The following IL1RAPL1 variants were observed in gnomAD, a reference collection of about 807,000 sequenced individuals.
IL1RAPL1 encodes the protein interleukin-1 receptor accessory protein-like 1.
IL1RAPL1 carries 3 observed loss-of-function variants against 48.4 expected under a neutral mutation model. The observed-to-expected ratio is 0.06, with a 90% CI of 0.03 to 0.16. IL1RAPL1 has a LOEUF of 0.16. IL1RAPL1 is among the 10% of genes least tolerant of loss of function. The pLI is 1.00. For missense variants in IL1RAPL1, 349 were observed against 530.6 expected (o/e 0.66, Z 3.36); for synonymous variants, 185 against 187.7 (o/e 0.99, Z 0.12).
intron 2 of IL1RAPL1, among the ~76,000 whole-genome samples, chrX:29,255,167 AATTC>A (rs1250225797): frequency 1.0e-5 from 1 of 95,629 alleles, no homozygotes; most frequent in East Asian, 3.7e-4. Context: ...GTGTGTGTGA[AATTC>A]ATTATATTTG....
chrX:29,867,136 A>G (rs1181364619), intron 6 of IL1RAPL1, among the ~76,000 whole-genome samples: 1 of 109,547 alleles, frequency 9.1e-6, no homozygotes, highest in East Asian at 2.8e-4. Flanking sequence ...AATAAAATAT[A>G]TATTGGTAAA....
At position 29,161,504 on chromosome X, in the gene IL1RAPL1, G is replaced by A. The variant is rs775501060; in HGVS notation, c.83-121434G>A. On this transcript the variant is annotated intron_variant, in intron 2 of 10. Coordinates refer to ENST00000378993, the MANE Select transcript of IL1RAPL1 (RefSeq NM_014271.4). ...AAATAACGAACCCACTTGAACTTTC[G>A]CAGACACCTCTAGGTTTACCTTTTA... 2.7e-5 allele frequency among the ~76,000 whole-genome samples: 3 copies of A among 111,729 alleles called. No homozygotes were observed. In the East Asian group the frequency reaches 8.4e-4, roughly 31 times the overall value.
At chrX:28,896,305 C>T (rs933880146) in intron 2 of IL1RAPL1, among the ~76,000 whole-genome samples, 10 of 111,377 alleles carry the variant, frequency 9.0e-5, no homozygotes, top group Non-Finnish European at 3.8e-5. Flanking sequence ...ATGTCAGGAG[C>T]GGATTGGGTA....
intron 2 of IL1RAPL1, among the ~76,000 whole-genome samples, chrX:28,898,296 T>C (rs974913834): frequency 8.9e-6 from 1 of 112,221 alleles, no homozygotes; most frequent in Non-Finnish European, 1.9e-5. Flanking sequence ...TATCTATTTT[T>C]TGTCTTTTTT....
At chrX:29,611,856 TC>T (rs1283425341) in intron 5 of IL1RAPL1, among the ~76,000 whole-genome samples, 5 of 110,653 alleles carry the variant, frequency 4.5e-5, no homozygotes, top group Admixed American at 1.9e-4. Context: ...AAGATGATCA[TC>T]CCCTGGAGTT....
intron 2 of IL1RAPL1, among the ~76,000 whole-genome samples, chrX:29,070,503 G>A (rs749487739): frequency 2.4e-4 from 27 of 111,308 alleles, no homozygotes; most frequent in Non-Finnish European, 4.7e-4. Context: ...TGTCTTTCAT[G>A]GCCTTGAGGT....
intron 1 of IL1RAPL1, among the ~76,000 whole-genome samples, chrX:28,750,317 T>G (rs1936027317): frequency 8.9e-6 from 1 of 111,889 alleles, no homozygotes; most frequent in South Asian, 3.7e-4. Context: ...ATGCCTTTAC[T>G]TAAAAGTGGA....
At chrX:29,270,178 A>G (rs1371324375) in intron 2 of IL1RAPL1, among the ~76,000 whole-genome samples, 2 of 111,605 alleles carry the variant, frequency 1.8e-5, no homozygotes, top group African/African-American at 3.2e-5. Flanking sequence ...ATTGTTTACA[A>G]TTTGGAGCTA....
intron 2 of IL1RAPL1, among the ~76,000 whole-genome samples, chrX:28,839,199 TG>T (rs1429934761): frequency 9.0e-6 from 1 of 111,536 alleles, no homozygotes; most frequent in Non-Finnish European, 1.9e-5. Flanking sequence ...TTTTGGTAAA[TG>T]CAAATTTCAG....
intron 5 of IL1RAPL1, among the ~76,000 whole-genome samples, chrX:29,555,273 G>C (rs191502557): frequency 8.9e-6 from 1 of 112,547 alleles, no homozygotes; most frequent in African/African-American, 3.2e-5. Flanking sequence ...CACAGGATCT[G>C]TTTGACCTAC....
chrX:29,018,112 T>C (rs1015527773), intron 2 of IL1RAPL1, among the ~76,000 whole-genome samples: 3 of 112,062 alleles, frequency 2.7e-5, no homozygotes, highest in African/African-American at 9.7e-5. Flanking sequence ...CACCTTTGTA[T>C]TGATATTTTC....
chrX:29,364,504 A>G (rs1256132740), intron 3 of IL1RAPL1, among the ~76,000 whole-genome samples: 2 of 102,448 alleles, frequency 2.0e-5, no homozygotes, highest in African/African-American at 7.3e-5. Flanking sequence ...TGGAGGTTGC[A>G]GTGAGCCAAG....
intron 5 of IL1RAPL1, among the ~76,000 whole-genome samples, chrX:29,580,577 C>T (rs776968988): frequency 6.0e-4 from 67 of 111,868 alleles, no homozygotes; most frequent in South Asian, 2.3e-3. Flanking sequence ...ATTCTCACTC[C>T]GTTATCCGTG....
intron 6 of IL1RAPL1, among the ~76,000 whole-genome samples, chrX:29,850,011 T>C (rs113993525): frequency 0.044 from 4,928 of 111,324 alleles, 277 homozygotes; most frequent in African/African-American, 0.15. Flanking sequence ...CACTCTTGAG[T>C]GGCTAAAATC....
At chrX:29,203,722 AATATATATATAT>A (rs56950481) in intron 2 of IL1RAPL1, among the ~76,000 whole-genome samples, 45,943 of 78,174 alleles carry the variant, frequency 0.59, 13,073 homozygotes, top group Non-Finnish European at 0.77. Flanking sequence ...TCCGTCTCAA[AATATATATATAT>A]ATATATATAT....
chrX:29,319,139 A>G (rs1317759594), intron 3 of IL1RAPL1, among the ~76,000 whole-genome samples: 1 of 78,272 alleles, frequency 1.3e-5, no homozygotes, highest in East Asian at 5.2e-4. Context: ...ACACATACGT[A>G]TGATATCTGT....
chrX:28,826,862 A>T (rs909580085), intron 2 of IL1RAPL1, among the ~76,000 whole-genome samples: 1 of 111,146 alleles, frequency 9.0e-6, no homozygotes, highest in African/African-American at 3.3e-5. Context: ...ACACCATAGT[A>T]GTAATATAGG....
chrX:28,647,661 A>C (rs1934629757), intron 1 of IL1RAPL1, among the ~76,000 whole-genome samples: 1 of 111,953 alleles, frequency 8.9e-6, no homozygotes, highest in South Asian at 3.7e-4. Flanking sequence ...TTCATTGCAT[A>C]GTTTTGAATT....
chrX:29,164,536 T>A (rs369948859), intron 2 of IL1RAPL1, among the ~76,000 whole-genome samples: 1 of 111,772 alleles, frequency 8.9e-6, no homozygotes, highest in African/African-American at 3.3e-5. Flanking sequence ...ACTCAAAGTA[T>A]GTGATCAATA....
Sources: allele counts gnomAD v4.1 joint callset (sites outside exome capture counted in the v4.1 genomes callset), GRCh38; gene constraint gnomAD v4.1.1; transcripts MANE v1.5; gene names NCBI Gene and HGNC (gene_info 2026-07-23, HGNC 2026-07-21).